SRPK1: variants seen among roughly 807,000 people sequenced by gnomAD.
The protein encoded by SRPK1 is SFRS protein kinase 1.
SRPK1 carries 52 observed loss-of-function variants against 89.5 expected under a neutral mutation model. The observed-to-expected ratio is 0.58, with a 90% CI of 0.46 to 0.73. The LOEUF (loss-of-function observed/expected upper bound fraction) is 0.73, where lower values mean the gene tolerates loss of function less well. Ranked by LOEUF, SRPK1 falls within the 30% of genes least tolerant of loss-of-function variation. SRPK1 has a pLI of 0.00. For missense variants in SRPK1, 603 were observed against 780.6 expected (o/e 0.77, Z 2.71); for synonymous variants, 255 against 270.2 (o/e 0.94, Z 0.55).
chr6:35,918,752 G>A (rs1295186965), intron 2 of SRPK1, among the ~76,000 whole-genome samples: 1 of 152,168 alleles, frequency 6.6e-6, no homozygotes, highest in Non-Finnish European at 1.5e-5. Flanking sequence ...AGTAGTGAAT[G>A]GGGTAACAGA....
intron 14 of SRPK1, among the ~76,000 whole-genome samples, chr6:35,842,304 A>C (rs1769327059): frequency 6.6e-6 from 1 of 152,360 alleles, no homozygotes; most frequent in Admixed American, 6.5e-5. Flanking sequence ...TGTCCAGCAC[A>C]CAGAAGTTTT....
At chr6:35,919,782 CAAT>C (rs1562002246) in intron 2 of SRPK1, among the ~76,000 whole-genome samples, 1 of 152,200 alleles carries the variant, frequency 6.6e-6, no homozygotes, top group Non-Finnish European at 1.5e-5. Context: ...CCAGAATCAT[CAAT>C]GTTTGTTAAA....
chr6:35,904,628 G>A (rs1414378026), intron 2 of SRPK1, among the ~76,000 whole-genome samples: 2 of 150,622 alleles, frequency 1.3e-5, no homozygotes, highest in African/African-American at 2.4e-5. Flanking sequence ...GTGAAACCCC[G>A]TCTCTACTAA....
intron 13 of SRPK1, 121 bp from the exon 14 acceptor site, chr6:35,842,725 T>C: frequency 2.4e-6 from 1 of 417,834 alleles, no homozygotes; most frequent in Non-Finnish European, 3.9e-6. Context: ...TATAGATCAT[T>C]TAAAAAAAAA....
In SRPK1 at chr6:35,842,578, A is replaced by AT; in HGVS notation, c.1646dup (p.Tyr549Ter). The change falls in exon 14 of 16, where the codon TAT (tyrosine) becomes TAAT (stop). Residue 549 changes from tyrosine to a stop codon, truncating the protein, a stop_gained and frameshift_variant. Transcript: ENST00000373825. LOFTEE classifies it high-confidence loss of function. ...CMAFELATGD[Y>*]LFEPHSGEEY... ...CTTCCCCTGAATGAGGTTCAAACAA[A>AT]TAGTCACCTGTGGCCAGTTCAAAGG... 1 of 1,612,964 alleles carries AT rather than the reference A, an allele frequency of 6.2e-7. No homozygotes were observed. The highest frequency in any genetic ancestry group is 8.5e-7 in the Non-Finnish European group (1 of 1,179,482).
In SRPK1 at chr6:35,913,969, C is replaced by CTTTT. The variant is rs545555860; in HGVS notation, c.74+6495_74+6498dup. 2.9e-3 allele frequency among the ~76,000 whole-genome samples: 273 copies of CTTTT among 92,930 alleles called. 15 individuals carry two copies. Among genetic ancestry groups the CTTTT allele is most frequent in the South Asian group, 5.2e-3 (11 of 2,116 alleles). The allele number at this position is 92,930 out of a possible 152,430, so 61.0% of individuals were successfully genotyped here. A position where few individuals can be genotyped will look rare whatever the true frequency, so the allele number is the denominator to read the frequency against. Reference sequence around the variant, plus strand: ...TGCCGCACAACAAAGGATACTTTCTCTTTTTTTTTTTTTTTTTTTTTTTGA... The same window carrying CTTTT: ...TGCCGCACAACAAAGGATACTTTCTCTTTTTTTTTTTTTTTTTTTTTTTTTTTGA... On this transcript the variant is annotated intron_variant, in intron 2 of 15. Transcript: ENST00000373825.
chr6:35,875,360 T>C (rs913077706), intron 6 of SRPK1, among the ~76,000 whole-genome samples: 4 of 151,422 alleles, frequency 2.6e-5, no homozygotes, highest in Admixed American at 1.3e-4. Context: ...GCACTACAGG[T>C]GTGTACCACC....
chr6:35,857,247 G>A lies in SRPK1; in HGVS notation c.1620+14C>T, dbSNP rs192146058. Reference sequence around the variant, plus strand: ...ACCACTTAACAAGTGAAAGCCAAGGGGAAAAAACATTACCATGCATGCCGT... The same window carrying A: ...ACCACTTAACAAGTGAAAGCCAAGGAGAAAAAACATTACCATGCATGCCGT... On this transcript the variant is annotated intron_variant, in intron 13 of 15. Transcript: ENST00000373825. The A allele has an allele frequency of 2.2e-5, 35 of 1,595,206 alleles. 1 individual carries two copies. In the South Asian group the frequency reaches 2.6e-4, roughly 12 times the overall value.
At chr6:35,881,940 A>C (rs1770299259) in intron 6 of SRPK1, among the ~76,000 whole-genome samples, 1 of 152,066 alleles carries the variant, frequency 6.6e-6, no homozygotes, top group African/African-American at 2.4e-5. Context: ...CAGTTTTACA[A>C]GATGAAAAGT....
At chr6:35,908,231 C>CAGAG (rs1770890922) in intron 2 of SRPK1, among the ~76,000 whole-genome samples, 1 of 152,058 alleles carries the variant, frequency 6.6e-6, no homozygotes, top group Non-Finnish European at 1.5e-5. Flanking sequence ...GGGTAGTGGG[C>CAGAG]AGAGGTTGGA....
intron 6 of SRPK1, among the ~76,000 whole-genome samples, chr6:35,874,957 C>CT (rs1390318056): frequency 3.9e-5 from 6 of 152,278 alleles, no homozygotes; most frequent in South Asian, 2.1e-4. Flanking sequence ...CAGGAATACT[C>CT]TGAGTCTAAA....
Position 35,859,244 on chromosome 6 carries a change from G to C in SRPK1, c.1513-1876C>G, listed in dbSNP as rs562272280. Among the ~76,000 whole-genome samples, 15 of 152,194 alleles carry C rather than the reference G, an allele frequency of 9.9e-5. No homozygotes were observed. In the South Asian group the frequency reaches 3.1e-3, roughly 32 times the overall value. The stretch of plus-strand genomic sequence containing the variant: ...ATATGTAACACTGAAAACAAAATTG[G>C]ATTAATATAACCTGTTATTTATTAG... On this transcript the variant is annotated intron_variant, in intron 12 of 15. Transcript: ENST00000373825.
In SRPK1 at chr6:35,840,852, G is replaced by C. The variant is rs565238319; in HGVS notation, c.1690+1683C>G. Among the ~76,000 whole-genome samples, 119 of 152,256 alleles carry C rather than the reference G, an allele frequency of 7.8e-4. 1 individual carries two copies. The highest frequency in any genetic ancestry group is 2.5e-3 in the African/African-American group (102 of 41,562). ...CTGATGTTTGACCTAAGGACTATTA[G>C]TACTAACTGGTATAGGATGGAATAA... On this transcript the variant is annotated intron_variant, in intron 14 of 15. Transcript: ENST00000373825.
intron 15 of SRPK1, among the ~76,000 whole-genome samples, chr6:35,836,067 C>T (rs765279472): frequency 2.0e-5 from 3 of 152,092 alleles, no homozygotes; most frequent in Non-Finnish European, 2.9e-5. Context: ...CCTATGGTAC[C>T]AGTCTGCGGT....
In SRPK1 at chr6:35,834,124, G is replaced by C. The variant is rs901133747; in HGVS notation, c.*1180C>G. 1 of 151,966 alleles carries C rather than the reference G, an allele frequency of 6.6e-6. No individual in the cohort carries two copies. Among genetic ancestry groups the C allele is most frequent in the Admixed American group, 6.6e-5 (1 of 15,138 alleles). The allele number at this position is 151,966 out of a possible 1,614,324, so 9.4% of individuals were successfully genotyped here. ...GACATTATGTAGGGAAATAGCAGCA[G>C]AGAATGGCTAATCTTAAAAAATAAC... On this transcript the variant is annotated 3_prime_UTR_variant, in exon 16 of 16. Coordinates refer to ENST00000373825, the MANE Select transcript of SRPK1 (RefSeq NM_003137.5).
intron 2 of SRPK1, among the ~76,000 whole-genome samples, chr6:35,917,524 T>A (rs1771137381): frequency 6.6e-6 from 1 of 152,218 alleles, no homozygotes; most frequent in Admixed American, 6.5e-5. Context: ...TGAAGAATTG[T>A]CTAAATAAGA....
intron 2 of SRPK1, among the ~76,000 whole-genome samples, chr6:35,908,633 G>T (rs566785434): frequency 9.0e-4 from 137 of 152,256 alleles, no homozygotes; most frequent in Non-Finnish European, 1.5e-3. Context: ...GTGAAACAAA[G>T]AATAAAAGTT....
intron 2 of SRPK1, among the ~76,000 whole-genome samples, chr6:35,898,899 A>T (rs1224141890): frequency 6.6e-6 from 1 of 152,216 alleles, no homozygotes; most frequent in Non-Finnish European, 1.5e-5. Context: ...GTGGTGGCTC[A>T]CGCCTGTAAT....
At chr6:35,920,371 G>A in intron 2 of SRPK1, 97 bp downstream of exon 2, 2 of 1,392,392 alleles carry the variant, frequency 1.4e-6, no homozygotes, top group Non-Finnish European at 2.0e-6. Flanking sequence ...GCAGCCACAG[G>A]GTGCCCAAAC....
Sources: gnomAD v4.1 joint callset for allele counts (sites outside exome capture counted in the v4.1 genomes callset) on GRCh38, gnomAD v4.1.1 for gene constraint, MANE v1.5 for transcripts, NCBI Gene and HGNC (gene_info 2026-07-23, HGNC 2026-07-21) for gene names.